The following PHKB variants were observed in gnomAD, a reference collection of about 807,000 sequenced individuals.
PHKB encodes phosphorylase kinase regulatory subunit beta.
In PHKB, 122 loss-of-function variants were observed where a neutral mutation model predicts 152.1. The observed-to-expected ratio is 0.80, with a 90% CI of 0.69 to 0.93. The LOEUF (loss-of-function observed/expected upper bound fraction) is 0.93. Ranked by LOEUF, PHKB falls within the 40% of genes least tolerant of loss-of-function variation. The pLI, the probability that PHKB is intolerant of heterozygous loss-of-function variation, is 0.00. For synonymous variants in PHKB, 436 were observed against 464.9 expected, an observed-to-expected ratio of 0.94 and a Z score of 0.80; for missense variants, 1,304 against 1,328.4, an observed-to-expected ratio of 0.98 and a Z score of 0.29.
chr16:47,656,016 C>G (rs1005841447), intron 20 of PHKB, among the ~76,000 whole-genome samples: 2 of 143,680 alleles, frequency 1.4e-5, no homozygotes, highest in Non-Finnish European at 3.1e-5. Context: ...AAGAGTTTTA[C>G]TTTTTTTTTT....
chr16:47,471,309 G>A (rs1254776706), intron 1 of PHKB, among the ~76,000 whole-genome samples: 3 of 152,166 alleles, frequency 2.0e-5, no homozygotes, highest in African/African-American at 7.2e-5. Flanking sequence ...AGGAAGGCCT[G>A]GGATGGGCAG....
At chr16:47,521,192 A>G (rs1320398612) in intron 6 of PHKB, among the ~76,000 whole-genome samples, 20 of 152,178 alleles carry the variant, frequency 1.3e-4, no homozygotes, top group Admixed American at 1.3e-3. Flanking sequence ...ATTTGCATAT[A>G]GTAATAGTTT....
intron 13 of PHKB, among the ~76,000 whole-genome samples, chr16:47,608,437 T>C (rs568298764): frequency 1.3e-5 from 2 of 152,326 alleles, no homozygotes; most frequent in East Asian, 1.9e-4. Flanking sequence ...AAAAAACTTT[T>C]TTTGGCTGGG....
chr16:47,543,027 C>T (rs1172784972), intron 6 of PHKB, among the ~76,000 whole-genome samples: 1 of 152,178 alleles, frequency 6.6e-6, no homozygotes, highest in Non-Finnish European at 1.5e-5. Context: ...GCCCGAACTT[C>T]CAACATTATG....
At chr16:47,650,773 ATTAT>A (rs2151731549) in intron 19 of PHKB, 54 bp from the exon 20 acceptor site, 2 of 1,217,210 alleles carry the variant, frequency 1.6e-6, no homozygotes, top group Admixed American at 1.8e-5. Flanking sequence ...TTAGTATTAG[ATTAT>A]TAATTTACCA....
At chr16:47,611,028 A>G in intron 14 of PHKB, 108 bp downstream of exon 14, 2 of 733,974 alleles carry the variant, frequency 2.7e-6, no homozygotes, top group East Asian at 5.3e-5. Context: ...TTCTGACGGA[A>G]AGGTTTCTCC....
chr16:47,546,388 C>A (rs1330741896), intron 6 of PHKB, among the ~76,000 whole-genome samples: 2 of 152,178 alleles, frequency 1.3e-5, no homozygotes, highest in Non-Finnish European at 2.9e-5. Context: ...CCACTCCAGA[C>A]CCTGTTTCCC....
chr16:47,540,895 T>C (rs1971045859), intron 6 of PHKB, among the ~76,000 whole-genome samples: 1 of 150,656 alleles, frequency 6.6e-6, no homozygotes, highest in African/African-American at 2.4e-5. Context: ...TGGGGCGATC[T>C]TGGCTCACCA....
At chr16:47,566,572 C>T in intron 7 of PHKB, 1 of 1,548,678 alleles carries the variant, frequency 6.5e-7, no homozygotes, top group Non-Finnish European at 8.9e-7. Flanking sequence ...ATGTACTCTT[C>T]TGTCACATCA....
chr16:47,669,518 GTA>G, intron 26 of PHKB, 101 bp downstream of exon 26: 1 of 1,045,744 alleles, frequency 9.6e-7, no homozygotes, highest in Non-Finnish European at 1.5e-6. Context: ...TGTCTGGTGA[GTA>G]TTCAGCAAAG....
chr16:47,531,831 A>T (rs753104872), intron 6 of PHKB, among the ~76,000 whole-genome samples: 37 of 152,228 alleles, frequency 2.4e-4, no homozygotes, highest in Admixed American at 4.6e-4. Flanking sequence ...AAATTTTAGG[A>T]GAGCATATGT....
intron 6 of PHKB, among the ~76,000 whole-genome samples, chr16:47,519,816 A>G (rs984291206): frequency 6.6e-6 from 1 of 152,084 alleles, no homozygotes; most frequent in African/African-American, 2.4e-5. Flanking sequence ...TTTTAGTTGA[A>G]CTTCGTTAGA....
chr16:47,606,799 G>C (rs970224969), intron 13 of PHKB, among the ~76,000 whole-genome samples: 1 of 152,184 alleles, frequency 6.6e-6, no homozygotes, highest in African/African-American at 2.4e-5. Context: ...CTCTGGTGCT[G>C]ATGGTTATCC....
intron 7 of PHKB, chr16:47,547,777 G>T (rs1788157020): frequency 4.1e-6 from 2 of 491,094 alleles, no homozygotes; most frequent in East Asian, 8.0e-5. Flanking sequence ...AACCTCCCAA[G>T]GTGTCAGTAC....
At chr16:47,546,837 G>A (rs149701503) in intron 6 of PHKB, among the ~76,000 whole-genome samples, 35 of 152,230 alleles carry the variant, frequency 2.3e-4, no homozygotes, top group Middle Eastern at 3.4e-3. Context: ...AGCCAGGCTT[G>A]CTGCCGTGCA....
At chr16:47,697,692 T>C (rs1231123558) in intron 29 of PHKB, among the ~76,000 whole-genome samples, 1 of 152,244 alleles carries the variant, frequency 6.6e-6, no homozygotes, top group Non-Finnish European at 1.5e-5. Context: ...GCGTGTTTCC[T>C]GTTCAGTGTA....
chr16:47,486,544 ATTTAC>A (rs909618794), intron 1 of PHKB, among the ~76,000 whole-genome samples: 3 of 152,156 alleles, frequency 2.0e-5, no homozygotes, highest in African/African-American at 7.2e-5. Context: ...TGCCTTAATA[ATTTAC>A]TTAATAAGCC....
chr16:47,501,523 T>C (rs1421104569), intron 3 of PHKB, among the ~76,000 whole-genome samples: 2 of 152,170 alleles, frequency 1.3e-5, no homozygotes, highest in Non-Finnish European at 2.9e-5. Context: ...AATGGTATTA[T>C]GGTTATGTAG....
intron 14 of PHKB, among the ~76,000 whole-genome samples, chr16:47,627,716 A>G (rs1333481660): frequency 6.6e-6 from 1 of 152,150 alleles, no homozygotes; most frequent in African/African-American, 2.4e-5. Flanking sequence ...CATGCTTGAT[A>G]TTGTTATTCC....
Sources: gnomAD v4.1 joint callset for allele counts (sites outside exome capture counted in the v4.1 genomes callset) on GRCh38, gnomAD v4.1.1 for gene constraint, MANE v1.5 for transcripts, NCBI Gene and HGNC (gene_info 2026-07-23, HGNC 2026-07-21) for gene names.